Variants in CNTN5 observed in about 807,000 individuals in gnomAD.
CNTN5 encodes the protein contactin 5.
CNTN5 carries 77 observed loss-of-function variants against 129.1 expected under a neutral mutation model. The ratio of observed to expected loss-of-function variants is 0.60; its 90% CI spans 0.50 to 0.72. The LOEUF (loss-of-function observed/expected upper bound fraction) is 0.72, where lower values mean the gene tolerates loss of function less well. Among genes scored for constraint, CNTN5 ranks in the 30% least tolerant of loss-of-function variants. The pLI, the probability that CNTN5 is intolerant of heterozygous loss-of-function variation, is 0.00. For synonymous variants in CNTN5, 509 were observed against 465.6 expected, an observed-to-expected ratio of 1.09 and a Z score of -1.20; for missense variants, 1,478 against 1,328.8, an observed-to-expected ratio of 1.11 and a Z score of -1.75.
intron 4 of CNTN5, among the ~76,000 whole-genome samples, chr11:99,826,744 G>A (rs1472676566): frequency 2.0e-5 from 3 of 152,130 alleles, no homozygotes; most frequent in African/African-American, 7.2e-5. Context: ...TTATAAATAG[G>A]CTTCTTATTA....
At chr11:99,982,998 CAGGT>C (rs1030420067) in intron 8 of CNTN5, among the ~76,000 whole-genome samples, 29 of 152,224 alleles carry the variant, frequency 1.9e-4, no homozygotes, top group African/African-American at 7.0e-4. Flanking sequence ...CAAAGAGTAA[CAGGT>C]AGCCAGATAG....
At chr11:100,286,017 C>A (rs994221362) in intron 18 of CNTN5, among the ~76,000 whole-genome samples, 1 of 152,196 alleles carries the variant, frequency 6.6e-6, no homozygotes, top group Non-Finnish European at 1.5e-5. Flanking sequence ...AAAATCGGGT[C>A]ACTCCCACCC....
intron 1 of CNTN5, among the ~76,000 whole-genome samples, chr11:99,162,835 A>C (rs186583372): frequency 6.6e-6 from 1 of 152,336 alleles, no homozygotes; most frequent in Non-Finnish European, 1.5e-5. Context: ...TGATCAGTGA[A>C]TGTGAAGACA....
chr11:100,125,991 TG>T (rs1946169307), intron 13 of CNTN5, among the ~76,000 whole-genome samples: 1 of 152,130 alleles, frequency 6.6e-6, no homozygotes, highest in Non-Finnish European at 1.5e-5. Flanking sequence ...CAGAAATTTT[TG>T]TATGTGTGTA....
chr11:99,033,172 C>T (rs1045895863), intron 1 of CNTN5, among the ~76,000 whole-genome samples: 1 of 150,962 alleles, frequency 6.6e-6, no homozygotes, highest in Admixed American at 6.6e-5. Flanking sequence ...TTACTGTAGC[C>T]TTGTAGTATA....
chr11:99,682,125 T>C (rs1456281892), intron 3 of CNTN5, among the ~76,000 whole-genome samples: 9 of 152,076 alleles, frequency 5.9e-5, no homozygotes, highest in African/African-American at 2.2e-4. Context: ...ATCTATCATA[T>C]AATGAGTTTC....
chr11:99,989,431 C>T lies in CNTN5; in HGVS notation c.878-12603C>T, dbSNP rs1464799743. Among the ~76,000 whole-genome samples, 13 of 151,966 alleles carry T rather than the reference C, an allele frequency of 8.6e-5. No homozygotes were observed. In the East Asian group the frequency reaches 2.5e-3, roughly 29 times the overall value. ...ACCATATTCACACACGTCTTGGTGG[C>T]AGGTCATAAAAATCAAAGTACCAAC... On this transcript the variant is annotated intron_variant, in intron 8 of 24. Transcript: ENST00000524871.
chr11:99,213,405 CAT>C (rs1591367532), intron 1 of CNTN5, among the ~76,000 whole-genome samples: 1 of 118,022 alleles, frequency 8.5e-6, no homozygotes, highest in African/African-American at 3.3e-5. Context: ...TATATATACA[CAT>C]ATATGTATAT....
chr11:99,070,951 T>G (rs1212765090), intron 1 of CNTN5, among the ~76,000 whole-genome samples: 1 of 152,176 alleles, frequency 6.6e-6, no homozygotes, highest in African/African-American at 2.4e-5. Flanking sequence ...TAAATCTTTC[T>G]AAAAATGCAG....
rs534572419 is a variant in CNTN5 at position 100,239,649 on chromosome 11, G to A, written c.2005+14837G>A. 2.6e-5 allele frequency among the ~76,000 whole-genome samples: 4 copies of A among 152,170 alleles called. No individual in the cohort carries two copies. In the South Asian group the frequency reaches 6.2e-4, roughly 24 times the overall value. ...AAGATTTGAAAATAATTGCAAAGTA[G>A]AATAATCAAATAAAATAGTCAGATT... On this transcript the variant is annotated intron_variant, in intron 16 of 24. Transcript: ENST00000524871.
chr11:99,292,963 G>A (rs923879120), intron 1 of CNTN5, among the ~76,000 whole-genome samples: 1 of 152,128 alleles, frequency 6.6e-6, no homozygotes, highest in African/African-American at 2.4e-5. Flanking sequence ...ACAAATGAAA[G>A]TATACCCTGT....
chr11:99,436,240 G>A (rs923391957), intron 2 of CNTN5, among the ~76,000 whole-genome samples: 8 of 152,088 alleles, frequency 5.3e-5, no homozygotes, highest in Admixed American at 2.6e-4. Context: ...CGTTACAAAC[G>A]TTATTTTAAT....
chr11:100,161,723 A>T (rs144482501), intron 13 of CNTN5, among the ~76,000 whole-genome samples: 21 of 151,694 alleles, frequency 1.4e-4, no homozygotes, highest in Non-Finnish European at 4.4e-5. Context: ...CTAGACATAC[A>T]TATGACAGAA....
At chr11:99,056,050 A>G (rs1420050417) in intron 1 of CNTN5, among the ~76,000 whole-genome samples, 3 of 151,696 alleles carry the variant, frequency 2.0e-5, no homozygotes, top group Non-Finnish European at 2.9e-5. Flanking sequence ...TTCCTGTTTC[A>G]CGCTCCAGTA....
intron 3 of CNTN5, among the ~76,000 whole-genome samples, chr11:99,653,848 T>C (rs181249442): frequency 1.4e-3 from 216 of 152,156 alleles, no homozygotes; most frequent in African/African-American, 4.7e-3. Context: ...AGTAATTTTA[T>C]AGAATTTTTT....
At chr11:99,167,547 A>G (rs1225703481) in intron 1 of CNTN5, among the ~76,000 whole-genome samples, 2 of 152,114 alleles carry the variant, frequency 1.3e-5, no homozygotes, top group Admixed American at 6.5e-5. Context: ...AGTTAATTAC[A>G]TTTGTGATAT....
chr11:99,411,404 C>T (rs72989810), intron 2 of CNTN5, among the ~76,000 whole-genome samples: 11,261 of 152,096 alleles, frequency 0.074, 685 homozygotes, highest in African/African-American at 0.17. Context: ...CCTGTAGTCC[C>T]AGCTATTTGG....
intron 3 of CNTN5, among the ~76,000 whole-genome samples, chr11:99,781,787 TA>T (rs1402716364): frequency 1.5e-4 from 23 of 152,084 alleles, no homozygotes; most frequent in Admixed American, 1.4e-3. Flanking sequence ...CCCTTCATGC[TA>T]AAAACTCTCA....
intron 2 of CNTN5, among the ~76,000 whole-genome samples, chr11:99,459,057 G>A (rs1009130694): frequency 6.6e-6 from 1 of 152,010 alleles, no homozygotes; most frequent in Non-Finnish European, 1.5e-5. Flanking sequence ...AAATGTTTTT[G>A]ACAGAGTTAG....
Sources: gnomAD v4.1 joint callset for allele counts (sites outside exome capture counted in the v4.1 genomes callset) on GRCh38, gnomAD v4.1.1 for gene constraint, MANE v1.5 for transcripts, NCBI Gene and HGNC (gene_info 2026-07-23, HGNC 2026-07-21) for gene names.